The following CERS6 variants were observed in gnomAD, a reference collection of about 807,000 sequenced individuals.
The protein encoded by CERS6 is LAG1 homolog, ceramide synthase 6.
CERS6 carries 26 observed loss-of-function variants against 56.8 expected under a neutral mutation model. The ratio of observed to expected loss-of-function variants is 0.46; its 90% CI spans 0.34 to 0.63. The LOEUF is 0.63. CERS6 is among the 30% of genes least tolerant of loss of function. The pLI is 0.01. For missense variants in CERS6, 415 were observed against 467.5 expected, an observed-to-expected ratio of 0.89 and a Z score of 1.04; for synonymous variants, 164 against 173.3, an observed-to-expected ratio of 0.95 and a Z score of 0.42.
chr2:168,579,704 G>A (rs574099182), intron 3 of CERS6, among the ~76,000 whole-genome samples: 2 of 152,284 alleles, frequency 1.3e-5, no homozygotes, highest in African/African-American at 4.8e-5. Flanking sequence ...CGTCTCTGCT[G>A]TGCTCTGGAT....
At chr2:168,570,263 C>A (rs973557625) in intron 3 of CERS6, among the ~76,000 whole-genome samples, 1 of 152,146 alleles carries the variant, frequency 6.6e-6, no homozygotes, top group Non-Finnish European at 1.5e-5. Context: ...AAAACCAACG[C>A]GAGTTCAGAG....
intron 8 of CERS6, among the ~76,000 whole-genome samples, chr2:168,742,996 C>T (rs1043454339): frequency 2.0e-5 from 3 of 152,154 alleles, no homozygotes; most frequent in East Asian, 1.9e-4. Context: ...TTTGGAATTT[C>T]GATTGCCTTT....
intron 9 of CERS6, among the ~76,000 whole-genome samples, chr2:168,766,102 G>T (rs766404754): frequency 6.6e-6 from 1 of 152,080 alleles, no homozygotes; most frequent in African/African-American, 2.4e-5. Flanking sequence ...GCTGTATGCC[G>T]GTTTAAACAA....
At chr2:168,551,804 G>T (rs1350464568) in intron 2 of CERS6, among the ~76,000 whole-genome samples, 1 of 152,132 alleles carries the variant, frequency 6.6e-6, no homozygotes, top group African/African-American at 2.4e-5. Flanking sequence ...TGAACAGAAT[G>T]ATTATTTCTC....
intron 1 of CERS6, among the ~76,000 whole-genome samples, chr2:168,494,879 G>T (rs1378302224): frequency 6.6e-6 from 1 of 152,134 alleles, no homozygotes; most frequent in Non-Finnish European, 1.5e-5. Context: ...GCATTCTGTG[G>T]GGTGGGCCAG....
chr2:168,631,858 T>G (rs1485986937), intron 4 of CERS6, among the ~76,000 whole-genome samples: 1 of 132,188 alleles, frequency 7.6e-6, no homozygotes, highest in South Asian at 2.2e-4. Flanking sequence ...ATATTATATA[T>G]TATACATTTA....
intron 8 of CERS6, among the ~76,000 whole-genome samples, chr2:168,748,303 A>G (rs1434501127): frequency 6.6e-6 from 1 of 152,222 alleles, no homozygotes; most frequent in Non-Finnish European, 1.5e-5. Context: ...ATAAGTAATT[A>G]ACATTGAATG....
intron 1 of CERS6, among the ~76,000 whole-genome samples, chr2:168,488,938 T>A (rs901393787): frequency 6.6e-6 from 1 of 152,230 alleles, no homozygotes; most frequent in Non-Finnish European, 1.5e-5. Context: ...TCAGCAATCA[T>A]ATAAATTTTA....
rs1684365225 is a variant in CERS6, at chr2:168,618,181, TG to T, written c.408-12802del. ...AAAAAGCATTTGACAAAATCCAGCATGGCTTTATGTTTAAAACCCTTAGCAA... is the reference window on the plus strand; with the variant it reads ...AAAAAGCATTTGACAAAATCCAGCATGCTTTATGTTTAAAACCCTTAGCAA... On this transcript the variant is annotated intron_variant, in intron 3 of 9. Coordinates refer to ENST00000305747, the MANE Select transcript of CERS6 (RefSeq NM_203463.3). Among the ~76,000 whole-genome samples, 2 of 152,224 alleles carry T rather than the reference TG, an allele frequency of 1.3e-5. 1 individual carries two copies. Among genetic ancestry groups the T allele is most frequent in the Non-Finnish European group, 2.9e-5 (2 of 68,028 alleles).
At chr2:168,666,977 A>G (rs1444855507) in intron 4 of CERS6, among the ~76,000 whole-genome samples, 1 of 152,242 alleles carries the variant, frequency 6.6e-6, no homozygotes, top group Non-Finnish European at 1.5e-5. Flanking sequence ...GTTAAGAGGT[A>G]ATCTACATAC....
chr2:168,502,910 G>A (rs1373915248), intron 1 of CERS6, among the ~76,000 whole-genome samples: 1 of 152,160 alleles, frequency 6.6e-6, no homozygotes, highest in Admixed American at 6.5e-5. Context: ...GGATAAGGGA[G>A]TCTCTTAAAA....
chr2:168,682,723 T>C (rs1035742892), intron 4 of CERS6, among the ~76,000 whole-genome samples: 15 of 152,208 alleles, frequency 9.9e-5, no homozygotes, highest in African/African-American at 3.1e-4. Context: ...GGCATCCCTG[T>C]CCTGTGTTGA....
Position 168,765,753 on chromosome 2 carries a change from G to A in CERS6, c.1002+5G>A, listed in dbSNP as rs766802170. The A allele has an allele frequency of 1.9e-6, 3 of 1,603,994 alleles. No individual in the cohort carries two copies. In the South Asian group the frequency reaches 3.4e-5, roughly 18 times the overall value. On this transcript the variant is annotated splice_donor_5th_base_variant and intron_variant, in intron 9 of 9. Transcript: ENST00000305747. Reference sequence around the variant, plus strand: ...AAAGCTGTTTCAAGAGGCAAGGTAAGCTACAACTCACTTTTTCCAATATGT... The same window carrying A: ...AAAGCTGTTTCAAGAGGCAAGGTAAACTACAACTCACTTTTTCCAATATGT...
At chr2:168,643,798 T>G (rs887642107) in intron 4 of CERS6, among the ~76,000 whole-genome samples, 1 of 152,188 alleles carries the variant, frequency 6.6e-6, no homozygotes, top group Non-Finnish European at 1.5e-5. Context: ...TAGTCAAACC[T>G]CCCTCTGTCT....
intron 3 of CERS6, among the ~76,000 whole-genome samples, chr2:168,571,223 C>G (rs538496357): frequency 1.3e-5 from 2 of 152,090 alleles, no homozygotes; most frequent in East Asian, 3.9e-4. Flanking sequence ...CAGTCACTTC[C>G]CATTGTTATA....
intron 3 of CERS6, among the ~76,000 whole-genome samples, chr2:168,563,480 G>C (rs1695828657): frequency 6.6e-6 from 1 of 152,166 alleles, no homozygotes; most frequent in Non-Finnish European, 1.5e-5. Flanking sequence ...AGTATGTGTA[G>C]GTCAAAGATA....
At position 168,771,480 on chromosome 2, in the gene CERS6, A is replaced by T. The variant is rs1258186021; in HGVS notation, c.*1818A>T. On this transcript the variant is annotated 3_prime_UTR_variant, in exon 10 of 10. Coordinates refer to ENST00000305747, the MANE Select transcript of CERS6 (RefSeq NM_203463.3). The stretch of plus-strand genomic sequence containing the variant: ...TTTTAGAGCCTTGTTATTTTATTTC[A>T]CAAAACAGGCATATGTCTAGGAGTG... The T allele has an allele frequency of 2.0e-5, 3 of 152,232 alleles. No individual in the cohort carries two copies. The highest frequency in any genetic ancestry group is 4.4e-5 in the Non-Finnish European group (3 of 68,038). 9.4% of individuals were successfully genotyped at this position (152,232 alleles called of 1,614,324 possible).
At chr2:168,491,776 C>G (rs1694378533) in intron 1 of CERS6, among the ~76,000 whole-genome samples, 2 of 151,658 alleles carry the variant, frequency 1.3e-5, no homozygotes, top group African/African-American at 4.9e-5. Context: ...CTCCCCTAGC[C>G]CCTCACCCCC....
At chr2:168,607,610 G>A (rs1483087849) in intron 3 of CERS6, among the ~76,000 whole-genome samples, 1 of 152,174 alleles carries the variant, frequency 6.6e-6, no homozygotes, top group South Asian at 2.1e-4. Context: ...TCGATCTCCT[G>A]ATCTTGTGAT....
Sources: gnomAD v4.1 joint callset for allele counts (sites outside exome capture counted in the v4.1 genomes callset) on GRCh38, gnomAD v4.1.1 for gene constraint, MANE v1.5 for transcripts, NCBI Gene and HGNC (gene_info 2026-07-23, HGNC 2026-07-21) for gene names.